PARD3: variants seen among roughly 807,000 people sequenced by gnomAD.
The protein encoded by PARD3 is partitioning defective 3 homolog.
PARD3 carries 75 observed loss-of-function variants against 155.4 expected under a neutral mutation model. The observed-to-expected ratio is 0.48, with a 90% CI of 0.40 to 0.58. The LOEUF is 0.58. PARD3 is among the 20% of genes least tolerant of loss of function. PARD3 has a pLI of 0.00. For missense variants in PARD3, 1,642 were observed against 1,721.7 expected (o/e 0.95, Z 0.82); for synonymous variants, 576 against 610.5 (o/e 0.94, Z 0.83).
chr10:34,171,426 C>A (rs924564465), intron 22 of PARD3, among the ~76,000 whole-genome samples: 1 of 151,974 alleles, frequency 6.6e-6, no homozygotes, highest in Non-Finnish European at 1.5e-5. Flanking sequence ...TCTGCTGGAG[C>A]CCAAAACCAA....
intron 10 of PARD3, among the ~76,000 whole-genome samples, chr10:34,375,746 A>C (rs1841163027): frequency 6.6e-6 from 1 of 152,152 alleles, no homozygotes; most frequent in Non-Finnish European, 1.5e-5. Flanking sequence ...CTTTTTAGAC[A>C]AAAAAGACAT....
chr10:34,545,386 C>CACCA (rs953856351), intron 2 of PARD3, among the ~76,000 whole-genome samples: 10 of 152,174 alleles, frequency 6.6e-5, no homozygotes, highest in African/African-American at 2.4e-4. Context: ...TAGGGCCAAA[C>CACCA]ACCAGCACTG....
chr10:34,324,732 A>C (rs1021168915), intron 19 of PARD3, among the ~76,000 whole-genome samples: 1 of 152,158 alleles, frequency 6.6e-6, no homozygotes, highest in African/African-American at 2.4e-5. Flanking sequence ...GATGATTCCA[A>C]GTTTCTGAGC....
chr10:34,540,593 T>C (rs191673410), intron 2 of PARD3, among the ~76,000 whole-genome samples: 2 of 152,024 alleles, frequency 1.3e-5, no homozygotes, highest in East Asian at 1.9e-4. Flanking sequence ...CAAGATACTG[T>C]CTCTACAAAA....
At chr10:34,431,838 A>G (rs1310831566) in intron 5 of PARD3, among the ~76,000 whole-genome samples, 3 of 150,594 alleles carry the variant, frequency 2.0e-5, no homozygotes, top group Admixed American at 6.6e-5. Flanking sequence ...TCATTAGGTC[A>G]GAAGATCGAG....
intron 22 of PARD3, among the ~76,000 whole-genome samples, chr10:34,238,205 C>G (rs1478253969): frequency 1.3e-5 from 2 of 152,164 alleles, no homozygotes; most frequent in African/African-American, 4.8e-5. Context: ...CTCTGCATTT[C>G]AGCAGCTGTC....
chr10:34,400,131 T>C (rs1396275706), intron 6 of PARD3, among the ~76,000 whole-genome samples: 1 of 152,220 alleles, frequency 6.6e-6, no homozygotes, highest in Admixed American at 6.5e-5. Flanking sequence ...ATAATTTTCA[T>C]AAAATTGCTC....
chr10:34,131,718 G>A (rs991221622), intron 22 of PARD3, 135 bp from the exon 23 acceptor site: 1 of 725,268 alleles, frequency 1.4e-6, no homozygotes, highest in Non-Finnish European at 2.3e-6. Flanking sequence ...CAATATGTGG[G>A]CATTTAAAAT....
chr10:34,279,948 G>A (rs1478814776), intron 21 of PARD3, among the ~76,000 whole-genome samples: 3 of 152,160 alleles, frequency 2.0e-5, no homozygotes, highest in Non-Finnish European at 2.9e-5. Context: ...TCCACTAGAA[G>A]CATTCAGTAT....
intron 22 of PARD3, among the ~76,000 whole-genome samples, chr10:34,201,539 G>C (rs1951211315): frequency 6.6e-6 from 1 of 152,190 alleles, no homozygotes; most frequent in Non-Finnish European, 1.5e-5. Context: ...AGTTTCAGTT[G>C]TTGGTTCATC....
At chr10:34,440,811 A>G (rs2076423378) in intron 5 of PARD3, among the ~76,000 whole-genome samples, 1 of 152,064 alleles carries the variant, frequency 6.6e-6, no homozygotes, top group African/African-American at 2.4e-5. Context: ...TCCAAACTCC[A>G]TTCATATCAC....
chr10:34,357,432 G>T (rs1273398796), intron 14 of PARD3, among the ~76,000 whole-genome samples: 1 of 152,194 alleles, frequency 6.6e-6, no homozygotes, highest in Non-Finnish European at 1.5e-5. Flanking sequence ...TCTGTGGAAT[G>T]AAAACTGTCC....
intron 22 of PARD3, among the ~76,000 whole-genome samples, chr10:34,140,158 G>A (rs902728766): frequency 6.6e-6 from 1 of 151,908 alleles, no homozygotes; most frequent in Non-Finnish European, 1.5e-5. Context: ...CTCAAATCAG[G>A]AGCATTCTTG....
intron 20 of PARD3, among the ~76,000 whole-genome samples, chr10:34,314,859 T>C (rs1436415416): frequency 6.6e-6 from 1 of 152,224 alleles, no homozygotes; most frequent in Non-Finnish European, 1.5e-5. Flanking sequence ...ATTTAATTTT[T>C]AATAATGGCT....
chr10:34,562,498 G>A (rs1026733656), intron 2 of PARD3, among the ~76,000 whole-genome samples: 4 of 152,010 alleles, frequency 2.6e-5, no homozygotes, highest in East Asian at 3.9e-4. Context: ...CCCACCAAGT[G>A]GCATCAGCAG....
chr10:34,416,268 C>G (rs753068123), intron 5 of PARD3, among the ~76,000 whole-genome samples: 2 of 152,078 alleles, frequency 1.3e-5, no homozygotes, highest in East Asian at 3.9e-4. Flanking sequence ...CACAATAACC[C>G]AAATCTTGTC....
intron 2 of PARD3, among the ~76,000 whole-genome samples, chr10:34,579,556 G>C (rs560102866): frequency 1.4e-4 from 16 of 115,114 alleles, no homozygotes; most frequent in African/African-American, 3.2e-4. Context: ...CATTTTCTCT[G>C]TGTGTGTGTG....
At chr10:34,420,498 C>T (rs1204696593) in intron 5 of PARD3, among the ~76,000 whole-genome samples, 3 of 152,078 alleles carry the variant, frequency 2.0e-5, no homozygotes, top group African/African-American at 4.8e-5. Context: ...AGATCATGAT[C>T]CTGGAATTCA....
intron 1 of PARD3, among the ~76,000 whole-genome samples, chr10:34,759,049 T>C (rs1355187794): frequency 6.6e-6 from 1 of 151,506 alleles, no homozygotes; most frequent in Non-Finnish European, 1.5e-5. Context: ...AAATGAAAAC[T>C]AAAATAAATG....
Sources: gnomAD v4.1 joint callset for allele counts (sites outside exome capture counted in the v4.1 genomes callset) on GRCh38, gnomAD v4.1.1 for gene constraint, MANE v1.5 for transcripts, NCBI Gene and HGNC (gene_info 2026-07-23, HGNC 2026-07-21) for gene names.